Variants in GPC6 observed in about 807,000 individuals in gnomAD.
GPC6 encodes the protein glypican 6.
Under a neutral mutation model 55.2 loss-of-function variants are expected in GPC6, and 14 were observed. That is an observed-to-expected ratio of 0.25 (90% confidence interval 0.17 to 0.40). The LOEUF is 0.40. Ranked by LOEUF, GPC6 falls within the 10% of genes least tolerant of loss-of-function variation. The pLI is 1.00. For synonymous variants in GPC6, 278 were observed against 259.6 expected (o/e 1.07, Z -0.68); for missense variants, 641 against 708.5 (o/e 0.90, Z 1.08).
intron 2 of GPC6, among the ~76,000 whole-genome samples, chr13:93,723,085 GACA>G (rs1452832475): frequency 6.6e-6 from 1 of 151,832 alleles, no homozygotes; most frequent in East Asian, 1.9e-4. Context: ...ATTTCTATTT[GACA>G]ACATTTAGCT....
chr13:93,784,338 G>T (rs1885756491), intron 2 of GPC6, among the ~76,000 whole-genome samples: 4 of 152,176 alleles, frequency 2.6e-5, no homozygotes, highest in South Asian at 4.1e-4. Flanking sequence ...AACCTGCACA[G>T]ATTTACTGGC....
chr13:93,271,785 A>C (rs1012023416), intron 1 of GPC6, among the ~76,000 whole-genome samples: 3 of 152,216 alleles, frequency 2.0e-5, no homozygotes, highest in African/African-American at 4.8e-5. Flanking sequence ...TGAGTATTCC[A>C]AGTGATGTTT....
intron 2 of GPC6, among the ~76,000 whole-genome samples, chr13:93,759,282 T>G (rs1021938505): frequency 6.6e-6 from 1 of 152,214 alleles, no homozygotes; most frequent in Non-Finnish European, 1.5e-5. Context: ...TGTCCCCATA[T>G]GTATCCCCCA....
intron 6 of GPC6, among the ~76,000 whole-genome samples, chr13:94,321,015 A>G (rs1162688345): frequency 6.6e-6 from 1 of 152,216 alleles, no homozygotes; most frequent in African/African-American, 2.4e-5. Context: ...TTCGCCAACC[A>G]GATAATAACC....
intron 1 of GPC6, among the ~76,000 whole-genome samples, chr13:93,350,385 G>C (rs1405285496): frequency 6.6e-6 from 1 of 152,132 alleles, no homozygotes; most frequent in Non-Finnish European, 1.5e-5. Context: ...AGTGAGCCAA[G>C]ATCATGCCAC....
At chr13:93,480,225 A>G (rs1879466019) in intron 1 of GPC6, among the ~76,000 whole-genome samples, 2 of 152,192 alleles carry the variant, frequency 1.3e-5, no homozygotes, top group African/African-American at 2.4e-5. Flanking sequence ...TAGGGGAAAT[A>G]TGTTTCTTTA....
At chr13:93,676,123 AAAAATATATAT>A (rs1331298391) in intron 2 of GPC6, among the ~76,000 whole-genome samples, 3 of 13,462 alleles carry the variant, frequency 2.2e-4, no homozygotes, top group African/African-American at 4.2e-4. Context: ...AAAAAAAAAA[AAAAATATATAT>A]ATATATATAT....
At chr13:94,255,327 A>C (rs1427509663) in intron 4 of GPC6, among the ~76,000 whole-genome samples, 1 of 152,222 alleles carries the variant, frequency 6.6e-6, no homozygotes, top group Admixed American at 6.5e-5. Context: ...CTTTTGGTTC[A>C]TTAAAAATAC....
intron 4 of GPC6, among the ~76,000 whole-genome samples, chr13:94,164,451 T>C (rs17196043): frequency 0.034 from 5,245 of 152,326 alleles, 128 homozygotes; most frequent in Non-Finnish European, 0.052. Context: ...GTTATTCTTG[T>C]ATGATTAAGC....
intron 3 of GPC6, among the ~76,000 whole-genome samples, chr13:93,928,824 G>A (rs967601155): frequency 5.3e-5 from 8 of 151,298 alleles, no homozygotes; most frequent in African/African-American, 7.3e-5. Context: ...CAAATATCCC[G>A]AGAGAGGGCT....
At chr13:93,600,625 T>G (rs1877967302) in intron 2 of GPC6, among the ~76,000 whole-genome samples, 1 of 152,176 alleles carries the variant, frequency 6.6e-6, no homozygotes, top group African/African-American at 2.4e-5. Flanking sequence ...AAAAATGTGC[T>G]GCTAAGCAGG....
At chr13:93,398,307 T>C (rs1466771690) in intron 1 of GPC6, among the ~76,000 whole-genome samples, 1 of 152,162 alleles carries the variant, frequency 6.6e-6, no homozygotes, top group Non-Finnish European at 1.5e-5. Context: ...AGGAGTCACA[T>C]TTGGATCTGG....
rs189955248 is a variant in GPC6 at position 94,104,896 on chromosome 13, G to C, written c.877+77002G>C. Among the ~76,000 whole-genome samples the C allele has an allele frequency of 3.9e-3, 592 of 152,154 alleles. 8 individuals are homozygous for C. The highest frequency in any genetic ancestry group is 0.014 in the African/African-American group (570 of 41,518). On this transcript the variant is annotated intron_variant, in intron 4 of 8. Transcript: ENST00000377047. ...CATGAAAATGGCCATACTGCCCAAGGTAATTTATAGATTCAATGCCATCCC... is the reference window on the plus strand; with the variant it reads ...CATGAAAATGGCCATACTGCCCAAGCTAATTTATAGATTCAATGCCATCCC...
chr13:94,295,807 T>G (rs1024125803), intron 5 of GPC6, among the ~76,000 whole-genome samples: 4 of 152,184 alleles, frequency 2.6e-5, no homozygotes, highest in Admixed American at 2.6e-4. Flanking sequence ...GGCCATACTA[T>G]TTATAAAGCT....
chr13:93,663,110 A>T (rs113232442), intron 2 of GPC6, among the ~76,000 whole-genome samples: 1 of 152,082 alleles, frequency 6.6e-6, no homozygotes, highest in Non-Finnish European at 1.5e-5. Context: ...AAAAAAAAAA[A>T]AAAAATCTCA....
At chr13:93,801,995 TTTAA>T (rs1290342911) in intron 2 of GPC6, among the ~76,000 whole-genome samples, 1 of 152,202 alleles carries the variant, frequency 6.6e-6, no homozygotes, top group African/African-American at 2.4e-5. Flanking sequence ...ATGTTTCTCT[TTTAA>T]TTGTTTCAAT....
chr13:94,190,943 A>G (rs1026586482), intron 4 of GPC6, among the ~76,000 whole-genome samples: 12 of 152,198 alleles, frequency 7.9e-5, no homozygotes, highest in Non-Finnish European at 1.3e-4. Flanking sequence ...TGTGTATACT[A>G]TCTCACATAT....
chr13:93,747,148 G>A (rs979543390), intron 2 of GPC6, among the ~76,000 whole-genome samples: 2 of 152,146 alleles, frequency 1.3e-5, no homozygotes, highest in African/African-American at 4.8e-5. Context: ...GAAGAAAGAA[G>A]TAAAGAAGTT....
At chr13:93,707,720 T>C (rs982187580) in intron 2 of GPC6, among the ~76,000 whole-genome samples, 2 of 151,800 alleles carry the variant, frequency 1.3e-5, no homozygotes, top group African/African-American at 2.4e-5. Flanking sequence ...TCTTGTGATA[T>C]TTTTAGATTC....
Sources: allele counts gnomAD v4.1 joint callset (sites outside exome capture counted in the v4.1 genomes callset), GRCh38; gene constraint gnomAD v4.1.1; transcripts MANE v1.5; gene names NCBI Gene and HGNC (gene_info 2026-07-23, HGNC 2026-07-21).